Variants in MSRB3 observed in about 807,000 individuals in gnomAD.
MSRB3 encodes the protein methionine sulfoxide reductase B3, also known as methionine-R-sulfoxide reductase B3.
MSRB3 carries 13 observed loss-of-function variants against 21.0 expected under a neutral mutation model. That is an observed-to-expected ratio of 0.62 (90% confidence interval 0.40 to 0.98). The LOEUF (loss-of-function observed/expected upper bound fraction) is 0.98. Among genes scored for constraint, MSRB3 ranks in the 50% least tolerant of loss-of-function variants. The probability of loss-of-function intolerance (pLI) is 0.00; values close to 1 mark genes in which losing one functional copy is unlikely to be tolerated. For synonymous variants in MSRB3, 87 were observed against 88.6 expected, an observed-to-expected ratio of 0.98 and a Z score of 0.10; for missense variants, 199 against 230.3, an observed-to-expected ratio of 0.86 and a Z score of 0.88.
intron 5 of MSRB3, among the ~76,000 whole-genome samples, chr12:65,394,291 A>G (rs1021869467): frequency 6.6e-6 from 1 of 152,214 alleles, no homozygotes; most frequent in African/African-American, 2.4e-5. Flanking sequence ...AAAAAATAAA[A>G]CTAACACATT....
At chr12:65,401,261 C>T (rs1880108511) in intron 5 of MSRB3, among the ~76,000 whole-genome samples, 1 of 152,150 alleles carries the variant, frequency 6.6e-6, no homozygotes, top group Non-Finnish European at 1.5e-5. Context: ...CTTTGTAGGT[C>T]TCTAAGAACT....
At chr12:65,330,036 G>A (rs1242894641) in intron 4 of MSRB3, among the ~76,000 whole-genome samples, 1 of 152,170 alleles carries the variant, frequency 6.6e-6, no homozygotes, top group Non-Finnish European at 1.5e-5. Context: ...TAACACTTAA[G>A]ATAGTTGCTG....
intron 2 of MSRB3, among the ~76,000 whole-genome samples, chr12:65,319,388 T>A (rs535769892): frequency 6.6e-6 from 1 of 152,246 alleles, no homozygotes; most frequent in South Asian, 2.1e-4. Context: ...TCTGTTTGGA[T>A]CTTTTCTGGC....
chr12:65,369,086 G>T, intron 5 of MSRB3, 60 bp downstream of exon 5: 1 of 1,210,432 alleles, frequency 8.3e-7, no homozygotes, highest in South Asian at 1.2e-5. Context: ...TCTCTGAGGA[G>T]TAAATCATCA....
At chr12:65,294,148 A>T (rs1178033831) in intron 1 of MSRB3, among the ~76,000 whole-genome samples, 1 of 152,294 alleles carries the variant, frequency 6.6e-6, no homozygotes, top group South Asian at 2.1e-4. Flanking sequence ...ATCCTTTGAA[A>T]TCTAGGCATG....
At chr12:65,390,151 T>C (rs1283576363) in intron 5 of MSRB3, among the ~76,000 whole-genome samples, 3 of 152,192 alleles carry the variant, frequency 2.0e-5, no homozygotes, top group African/African-American at 7.2e-5. Flanking sequence ...CTTTGGGATG[T>C]TACTCCATCA....
chr12:65,305,887 C>G (rs909086745), intron 1 of MSRB3, among the ~76,000 whole-genome samples: 1 of 152,158 alleles, frequency 6.6e-6, no homozygotes, highest in Non-Finnish European at 1.5e-5. Context: ...TGTACTGTTA[C>G]AATTTTCTAA....
At chr12:65,456,451 G>A (rs1001215679) in intron 6 of MSRB3, among the ~76,000 whole-genome samples, 14 of 152,158 alleles carry the variant, frequency 9.2e-5, no homozygotes, top group African/African-American at 3.4e-4. Context: ...AGATCATTAT[G>A]AAGATGTCCT....
In MSRB3 at chr12:65,463,521, G is replaced by A. The variant is rs1883426995; in HGVS notation, c.*199G>A. On this transcript the variant is annotated 3_prime_UTR_variant, in exon 7 of 7. Transcript: ENST00000308259. The stretch of plus-strand genomic sequence containing the variant: ...TTGACTAGATCAAGAACTGTTTATA[G>A]CTTTAGCAAATGGAGACAGCTTTGT... The A allele has an allele frequency of 9.8e-6, 6 of 614,040 alleles. No homozygotes were observed. Among genetic ancestry groups the A allele is most frequent in the Non-Finnish European group, 1.7e-5 (6 of 362,914 alleles). The allele number at this position is 614,040 out of a possible 1,614,324, so 38.0% of individuals were successfully genotyped here.
At chr12:65,442,012 T>A (rs1470283456) in intron 5 of MSRB3, among the ~76,000 whole-genome samples, 1 of 152,116 alleles carries the variant, frequency 6.6e-6, no homozygotes. Flanking sequence ...AGTTGAAAAC[T>A]GTATTTTCAA....
chr12:65,431,894 T>G (rs1433442380), intron 5 of MSRB3, among the ~76,000 whole-genome samples: 2 of 152,102 alleles, frequency 1.3e-5, no homozygotes, highest in Non-Finnish European at 2.9e-5. Context: ...GCTATTTGGC[T>G]ACATTCAAAC....
chr12:65,381,946 T>G (rs1232795311), intron 5 of MSRB3, among the ~76,000 whole-genome samples: 6 of 152,038 alleles, frequency 3.9e-5, no homozygotes, highest in African/African-American at 1.4e-4. Flanking sequence ...GATATATATT[T>G]AAGATGTATA....
intron 1 of MSRB3, chr12:65,285,201 A>T (rs1978861): frequency 1.3e-5 from 2 of 152,196 alleles, no homozygotes; most frequent in African/African-American, 4.8e-5. Context: ...GATAAATCAC[A>T]TACTTCCCTC....
intron 1 of MSRB3, among the ~76,000 whole-genome samples, chr12:65,304,802 T>C (rs192445831): frequency 2.0e-5 from 3 of 152,338 alleles, no homozygotes; most frequent in East Asian, 1.9e-4. Context: ...AGCTGCCGAA[T>C]TGAAACTTCA....
intron 5 of MSRB3, among the ~76,000 whole-genome samples, chr12:65,393,425 G>A (rs1309819533): frequency 1.3e-5 from 2 of 151,780 alleles, no homozygotes; most frequent in South Asian, 4.1e-4. Context: ...CGAGGTCAGG[G>A]GATCAAGACC....
intron 1 of MSRB3, among the ~76,000 whole-genome samples, chr12:65,306,561 A>G (rs1310805211): frequency 1.3e-5 from 2 of 152,212 alleles, no homozygotes; most frequent in Non-Finnish European, 2.9e-5. Flanking sequence ...GGATTAGAAA[A>G]TGGAGAACAG....
In MSRB3 at chr12:65,461,466, GT is replaced by G. The variant is rs1444832408; in HGVS notation, c.391-1687del. Among the ~76,000 whole-genome samples the G allele has an allele frequency of 3.3e-5, 5 of 152,168 alleles. No homozygotes were observed. In the East Asian group the frequency reaches 9.6e-4, roughly 29 times the overall value. On this transcript the variant is annotated intron_variant, in intron 6 of 6. Coordinates refer to ENST00000308259, the MANE Select transcript of MSRB3 (RefSeq NM_001031679.3). ...AGGCAATAGATCAAATCAGTTCAGG[GT>G]TCATTTTTAGCTCTTTAATAAACTG...
intron 5 of MSRB3, among the ~76,000 whole-genome samples, chr12:65,416,092 G>A (rs1291192756): frequency 1.3e-5 from 2 of 152,204 alleles, no homozygotes; most frequent in African/African-American, 2.4e-5. Context: ...GCATGAAGCA[G>A]CCCAGAGGCA....
At chr12:65,360,810 C>T (rs1218776836) in intron 4 of MSRB3, among the ~76,000 whole-genome samples, 1 of 152,168 alleles carries the variant, frequency 6.6e-6, no homozygotes, top group Non-Finnish European at 1.5e-5. Flanking sequence ...GCACTATGCA[C>T]TCAAGTGCAT....
Sources: allele counts gnomAD v4.1 joint callset (sites outside exome capture counted in the v4.1 genomes callset), GRCh38; gene constraint gnomAD v4.1.1; transcripts MANE v1.5; gene names NCBI Gene and HGNC (gene_info 2026-07-23, HGNC 2026-07-21).